Variants in ZFPM2 observed in about 807,000 individuals in gnomAD.
ZFPM2 encodes zinc finger protein ZFPM2.
Under a neutral mutation model 98.6 loss-of-function variants are expected in ZFPM2, and 20 were observed. That is an observed-to-expected ratio of 0.20 (90% CI 0.14 to 0.29). The LOEUF (loss-of-function observed/expected upper bound fraction) is 0.29. ZFPM2 is among the 10% of genes least tolerant of loss of function. The probability of loss-of-function intolerance (pLI) is 1.00; values close to 1 mark genes in which losing one functional copy is unlikely to be tolerated. For missense variants in ZFPM2, 1,310 were observed against 1,388.6 expected, an observed-to-expected ratio of 0.94 and a Z score of 0.90; for synonymous variants, 518 against 502.7, an observed-to-expected ratio of 1.03 and a Z score of -0.41.
intron 3 of ZFPM2, among the ~76,000 whole-genome samples, chr8:105,544,745 A>T (rs1171467757): frequency 6.6e-6 from 1 of 152,212 alleles, no homozygotes; most frequent in Non-Finnish European, 1.5e-5. Context: ...TGACCCCCCA[A>T]ATGCAAGATG....
At chr8:105,794,727 G>C (rs1813737697) in intron 6 of ZFPM2, among the ~76,000 whole-genome samples, 1 of 152,226 alleles carries the variant, frequency 6.6e-6, no homozygotes, top group African/African-American at 2.4e-5. Flanking sequence ...GCTGTGGTGG[G>C]CTCCACCCAG....
In ZFPM2 at chr8:105,536,995, G is replaced by A. The variant is rs1286632122; in HGVS notation, c.302-24368G>A. Among the ~76,000 whole-genome samples the A allele has an allele frequency of 2.6e-5, 4 of 152,240 alleles. No individual in the cohort carries two copies. The East Asian group carries it at 7.7e-4, about 29-fold the overall frequency. ...CTGCCATAAATTCCTAAAATCACAG[G>A]AGTAGTAATGATCTTCAAAGTTCTT... On this transcript the variant is annotated intron_variant, in intron 3 of 7. Transcript: ENST00000407775.
chr8:105,721,223 A>G (rs1316672241), intron 5 of ZFPM2, among the ~76,000 whole-genome samples: 1 of 151,838 alleles, frequency 6.6e-6, no homozygotes, highest in Admixed American at 6.6e-5. Flanking sequence ...TCCAGTGAAT[A>G]CTGTGTTTTC....
intron 1 of ZFPM2, among the ~76,000 whole-genome samples, chr8:105,340,445 A>G (rs1319454945): frequency 1.3e-5 from 2 of 151,970 alleles, no homozygotes; most frequent in Non-Finnish European, 2.9e-5. Context: ...AACTCTGGCA[A>G]TCATATACAT....
intron 4 of ZFPM2, among the ~76,000 whole-genome samples, chr8:105,570,203 AAAG>A (rs1815325261): frequency 6.6e-6 from 1 of 152,200 alleles, no homozygotes; most frequent in Admixed American, 6.5e-5. Flanking sequence ...AAAGCTGCTC[AAAG>A]AAGACTTGAA....
intron 1 of ZFPM2, among the ~76,000 whole-genome samples, chr8:105,343,091 AG>A (rs1812459374): frequency 6.6e-6 from 1 of 152,150 alleles, no homozygotes; most frequent in Non-Finnish European, 1.5e-5. Context: ...AGCTCTGTGT[AG>A]GCTGGAATGA....
chr8:105,427,855 G>A (rs978603942), intron 2 of ZFPM2, among the ~76,000 whole-genome samples: 2 of 152,148 alleles, frequency 1.3e-5, no homozygotes, highest in African/African-American at 4.8e-5. Context: ...TGGCATTAGG[G>A]CTATGTGCCA....
intron 5 of ZFPM2, among the ~76,000 whole-genome samples, chr8:105,776,062 T>C (rs1813097720): frequency 1.3e-5 from 2 of 151,488 alleles, no homozygotes; most frequent in Admixed American, 1.3e-4. Flanking sequence ...AAGGAAATTA[T>C]CTTAATAGGA....
intron 5 of ZFPM2, among the ~76,000 whole-genome samples, chr8:105,754,577 A>G (rs1812550787): frequency 6.6e-6 from 1 of 152,054 alleles, no homozygotes; most frequent in South Asian, 2.1e-4. Context: ...CAAGATGAAT[A>G]TTGTGCCTCA....
At chr8:105,528,417 G>A (rs1814221738) in intron 3 of ZFPM2, among the ~76,000 whole-genome samples, 1 of 152,078 alleles carries the variant, frequency 6.6e-6, no homozygotes, top group Non-Finnish European at 1.5e-5. Flanking sequence ...AGTTGACTAG[G>A]TCAGGGGAAA....
chr8:105,640,805 C>A (rs1261349459), intron 5 of ZFPM2, among the ~76,000 whole-genome samples: 1 of 152,064 alleles, frequency 6.6e-6, no homozygotes, highest in Middle Eastern at 3.4e-3. Flanking sequence ...TAATGTTTAA[C>A]TTTACCTAGA....
chr8:105,435,631 C>T (rs528282445), intron 2 of ZFPM2, among the ~76,000 whole-genome samples: 1 of 150,550 alleles, frequency 6.6e-6, no homozygotes, highest in East Asian at 1.9e-4. Flanking sequence ...CTCTAGAGTA[C>T]CGATTTCAAA....
chr8:105,790,669 A>C (rs1390401471), intron 6 of ZFPM2, among the ~76,000 whole-genome samples: 2 of 152,142 alleles, frequency 1.3e-5, no homozygotes, highest in Non-Finnish European at 1.5e-5. Context: ...CATTGAATCT[A>C]TAAATTACCT....
intron 3 of ZFPM2, among the ~76,000 whole-genome samples, chr8:105,550,717 G>A (rs1814832052): frequency 6.6e-6 from 1 of 152,156 alleles, no homozygotes; most frequent in Non-Finnish European, 1.5e-5. Flanking sequence ...GAGGCTGTGT[G>A]AATCAGGGAA....
At chr8:105,565,343 A>G (rs1476930004) in intron 4 of ZFPM2, among the ~76,000 whole-genome samples, 1 of 152,154 alleles carries the variant, frequency 6.6e-6, no homozygotes, top group African/African-American at 2.4e-5. Flanking sequence ...TTTTGTCCAC[A>G]CCTTATTATC....
At chr8:105,576,328 T>C (rs1037654355) in intron 4 of ZFPM2, among the ~76,000 whole-genome samples, 11 of 152,062 alleles carry the variant, frequency 7.2e-5, no homozygotes, top group Non-Finnish European at 1.5e-5. Context: ...TGAATAAACA[T>C]AGAGGCACAA....
chr8:105,432,685 C>A (rs2130149427), intron 2 of ZFPM2, among the ~76,000 whole-genome samples: 1 of 152,258 alleles, frequency 6.6e-6, no homozygotes, highest in East Asian at 1.9e-4. Context: ...TATTTAGAAT[C>A]TTCCTCTGAT....
chr8:105,543,076 C>T (rs2130631445), intron 3 of ZFPM2, among the ~76,000 whole-genome samples: 1 of 152,180 alleles, frequency 6.6e-6, no homozygotes, highest in East Asian at 1.9e-4. Context: ...AATACAAGAT[C>T]TTAGTGATAT....
intron 3 of ZFPM2, among the ~76,000 whole-genome samples, chr8:105,473,366 T>A (rs80165997): frequency 0.053 from 8,131 of 152,278 alleles, 790 homozygotes; most frequent in African/African-American, 0.19. Flanking sequence ...GTGACATTGT[T>A]TCTCTCACAT....
Sources: gnomAD v4.1 joint callset for allele counts (sites outside exome capture counted in the v4.1 genomes callset) on GRCh38, gnomAD v4.1.1 for gene constraint, MANE v1.5 for transcripts, NCBI Gene and HGNC (gene_info 2026-07-23, HGNC 2026-07-21) for gene names.